GTF2IRD1: variants seen among roughly 807,000 people sequenced by gnomAD.
GTF2IRD1 encodes general transcription factor II-I repeat domain-containing protein 1.
Under a neutral mutation model 113.2 loss-of-function variants are expected in GTF2IRD1, and 26 were observed. The ratio of observed to expected loss-of-function variants is 0.23; its 90% CI spans 0.17 to 0.32. GTF2IRD1 has a LOEUF of 0.32. GTF2IRD1 is among the 10% of genes least tolerant of loss of function. The pLI, the probability that GTF2IRD1 is intolerant of heterozygous loss-of-function variation, is 1.00. For missense variants in GTF2IRD1, 864 were observed against 1,280.8 expected (o/e 0.67, Z 4.97); for synonymous variants, 484 against 529.1 (o/e 0.91, Z 1.17).
At chr7:74,460,224 C>A (rs1320188772) in intron 1 of GTF2IRD1, among the ~76,000 whole-genome samples, 1 of 151,868 alleles carries the variant, frequency 6.6e-6, no homozygotes, top group African/African-American at 2.4e-5. Context: ...GCTGGAATTA[C>A]AGAAGTGAGC....
intron 1 of GTF2IRD1, among the ~76,000 whole-genome samples, chr7:74,469,214 A>C (rs1325293511): frequency 6.6e-6 from 1 of 151,922 alleles, no homozygotes; most frequent in Non-Finnish European, 1.5e-5. Flanking sequence ...GATGCTTTTC[A>C]GGGTTCAGTG....
intron 10 of GTF2IRD1, 36 bp from the exon 11 acceptor site, chr7:74,536,131 G>T (rs781995646): frequency 7.6e-7 from 1 of 1,318,850 alleles, no homozygotes; most frequent in Non-Finnish European, 1.1e-6. Context: ...GGAGGCCAGA[G>T]GGCCTTCACC....
chr7:74,460,970 G>C (rs1336928045), intron 1 of GTF2IRD1, among the ~76,000 whole-genome samples: 2 of 152,194 alleles, frequency 1.3e-5, no homozygotes, highest in African/African-American at 4.8e-5. Context: ...CCTCTGGAGT[G>C]GGGGAAATGG....
chr7:74,520,456 C>T (rs1554345687), intron 6 of GTF2IRD1, among the ~76,000 whole-genome samples: 1 of 152,078 alleles, frequency 6.6e-6, no homozygotes, highest in Non-Finnish European at 1.5e-5. Flanking sequence ...ACCTGCTTCC[C>T]AGAAGTGTTA....
intron 10 of GTF2IRD1, 73 bp from the exon 11 acceptor site, chr7:74,536,094 C>T (rs1236047055): frequency 2.1e-6 from 2 of 962,846 alleles, no homozygotes; most frequent in Middle Eastern, 2.1e-4. Flanking sequence ...CACACACAGA[C>T]CTTTACCCAG....
intron 1 of GTF2IRD1, 86 bp downstream of exon 1, chr7:74,454,262 G>GT (rs1369714117): frequency 1.4e-4 from 10 of 71,328 alleles, no homozygotes; most frequent in Admixed American, 2.7e-4. Flanking sequence ...CCGCCTCCGG[G>GT]GGGGGGGGTC....
intron 1 of GTF2IRD1, among the ~76,000 whole-genome samples, chr7:74,481,110 G>C (rs1794717212): frequency 1.3e-5 from 2 of 152,182 alleles, no homozygotes; most frequent in African/African-American, 2.4e-5. Context: ...GAGCAGCTGT[G>C]TTGGATGGTT....
intron 1 of GTF2IRD1, among the ~76,000 whole-genome samples, chr7:74,468,676 CTGTGTGTGTGTGTGTGTGTGTGTGTG>C (rs61694825): frequency 8.5e-5 from 11 of 129,400 alleles, no homozygotes; most frequent in African/African-American, 1.2e-4. Flanking sequence ...AAAAAAAAAA[CTGTGTGTGTGTGTGTGTGTGTGTGTG>C]TGTGTGTGTG....
At chr7:74,487,919 C>T (rs568218868) in intron 1 of GTF2IRD1, among the ~76,000 whole-genome samples, 467 of 151,850 alleles carry the variant, frequency 3.1e-3, no homozygotes, top group Middle Eastern at 6.8e-3. Context: ...CCATTTTTTT[C>T]AGAATATTGT....
chr7:74,589,831 C>T lies in GTF2IRD1; in HGVS notation c.2321-20C>T, dbSNP rs1554368867. The T allele has an allele frequency of 6.5e-7, 1 of 1,549,592 alleles. No individual in the cohort carries two copies. The highest frequency in any genetic ancestry group is 1.1e-5 in the South Asian group (1 of 89,662). On this transcript the variant is annotated intron_variant, in intron 22 of 26. Transcript: ENST00000424337. ...CTAAGCTGGTGCCAACTCTCATGCC[C>T]CCTTGTCTTCCTCTTGTAGATGAAG...
intron 5 of GTF2IRD1, among the ~76,000 whole-genome samples, chr7:74,518,834 G>T (rs1368692930): frequency 6.6e-6 from 1 of 152,168 alleles, no homozygotes; most frequent in Non-Finnish European, 1.5e-5. Context: ...GATGCAGTGA[G>T]CTGTGATTGC....
intron 1 of GTF2IRD1, among the ~76,000 whole-genome samples, chr7:74,504,712 T>C (rs1380031722): frequency 6.7e-6 from 1 of 149,424 alleles, no homozygotes; most frequent in Admixed American, 6.7e-5. Flanking sequence ...TTACTTTTTT[T>C]TTTTTTTTTT....
chr7:74,496,069 G>A, intron 1 of GTF2IRD1, among the ~76,000 whole-genome samples: 1 of 152,018 alleles, frequency 6.6e-6, no homozygotes, highest in East Asian at 1.9e-4. Flanking sequence ...TGTATGTGTG[G>A]ACATGCATGT....
chr7:74,511,985 C>T (rs747767392), intron 2 of GTF2IRD1, among the ~76,000 whole-genome samples: 51 of 152,250 alleles, frequency 3.3e-4, no homozygotes, highest in Non-Finnish European at 6.5e-4. Context: ...AGATCTTTTT[C>T]CTCCAACCAT....
At chr7:74,546,550 AATCCC>A (rs1404010299) in intron 16 of GTF2IRD1, among the ~76,000 whole-genome samples, 1 of 151,960 alleles carries the variant, frequency 6.6e-6, no homozygotes, top group Non-Finnish European at 1.5e-5. Context: ...CATCTCACAA[AATCCC>A]CGTGTCCTAA....
At chr7:74,578,075 G>A (rs1179477668) in intron 22 of GTF2IRD1, among the ~76,000 whole-genome samples, 1 of 152,156 alleles carries the variant, frequency 6.6e-6, no homozygotes, top group Non-Finnish European at 1.5e-5. Flanking sequence ...AAAGTGCTGA[G>A]ATTATAGGTG....
chr7:74,497,021 G>C (rs1289184635), intron 1 of GTF2IRD1, among the ~76,000 whole-genome samples: 1 of 152,048 alleles, frequency 6.6e-6, no homozygotes, highest in Non-Finnish European at 1.5e-5. Flanking sequence ...AATTAGCCAG[G>C]CATGGCGGTG....
intron 26 of GTF2IRD1, chr7:74,601,784 GA>G (rs1408866823): frequency 1.2e-5 from 2 of 170,424 alleles, no homozygotes; most frequent in East Asian, 1.5e-4. Context: ...CACTGTCTCA[GA>G]AAAAAAAATT....
intron 1 of GTF2IRD1, among the ~76,000 whole-genome samples, chr7:74,503,019 T>C (rs938167391): frequency 1.3e-5 from 2 of 152,012 alleles, no homozygotes; most frequent in Non-Finnish European, 2.9e-5. Context: ...ATACAAAAAT[T>C]AGCCGGGTGT....
Sources: gnomAD v4.1 joint callset for allele counts (sites outside exome capture counted in the v4.1 genomes callset) on GRCh38, gnomAD v4.1.1 for gene constraint, MANE v1.5 for transcripts, NCBI Gene and HGNC (gene_info 2026-07-23, HGNC 2026-07-21) for gene names.